Variants in BRSK2 observed in about 807,000 individuals in gnomAD.
BRSK2 encodes the protein serine/threonine-protein kinase BRSK2.
A neutral mutation model predicts 83.3 loss-of-function variants in BRSK2; 19 were observed. The ratio of observed to expected loss-of-function variants is 0.23; its 90% CI spans 0.16 to 0.33. BRSK2 has a LOEUF of 0.33. Among genes scored for constraint, BRSK2 ranks in the 10% least tolerant of loss-of-function variants. The probability of loss-of-function intolerance (pLI) is 1.00; values close to 1 mark genes in which losing one functional copy is unlikely to be tolerated. For missense variants in BRSK2, 798 were observed against 1,042.3 expected (o/e 0.77, Z 3.23); for synonymous variants, 519 against 435.4 (o/e 1.19, Z -2.39).
At chr11:1,444,701 C>T (rs1439475922) in intron 8 of BRSK2, among the ~76,000 whole-genome samples, 1 of 151,784 alleles carries the variant, frequency 6.6e-6, no homozygotes, top group Non-Finnish European at 1.5e-5. Flanking sequence ...CTGGAGCACC[C>T]CCTCCGACTC....
intron 1 of BRSK2, among the ~76,000 whole-genome samples, chr11:1,414,586 A>T (rs1032869682): frequency 3.9e-5 from 6 of 152,216 alleles, no homozygotes; most frequent in Admixed American, 3.3e-4. Context: ...TAGGGTGATA[A>T]AAAGTAGACT....
intron 1 of BRSK2, among the ~76,000 whole-genome samples, chr11:1,434,215 G>A (rs910860142): frequency 6.6e-6 from 1 of 152,236 alleles, no homozygotes; most frequent in African/African-American, 2.4e-5. Flanking sequence ...GCGAGGCCGA[G>A]TCTGGGTGAA....
intron 1 of BRSK2, among the ~76,000 whole-genome samples, chr11:1,413,753 G>C (rs2134137893): frequency 6.6e-6 from 1 of 152,340 alleles, no homozygotes; most frequent in East Asian, 1.9e-4. Context: ...GCCTGGGGTG[G>C]TGGGGCCTGG....
chr11:1,422,380 G>T (rs1043416272), intron 1 of BRSK2, among the ~76,000 whole-genome samples: 3 of 152,194 alleles, frequency 2.0e-5, no homozygotes, highest in Non-Finnish European at 4.4e-5. Flanking sequence ...AGGGGTGGGG[G>T]TCCCTGTATT....
intron 1 of BRSK2, among the ~76,000 whole-genome samples, chr11:1,396,461 CT>C (rs1337089715): frequency 1.3e-5 from 2 of 152,226 alleles, no homozygotes; most frequent in Non-Finnish European, 2.9e-5. Flanking sequence ...TGGCCTCACC[CT>C]GCTCCGGCGC....
chr11:1,449,869 T>C, intron 13 of BRSK2, 33 bp downstream of exon 13: 1 of 1,524,894 alleles, frequency 6.6e-7, no homozygotes, highest in Non-Finnish European at 9.0e-7. Flanking sequence ...CCAGCTCGGA[T>C]GCACAGAGGC....
chr11:1,418,690 C>T (rs1274534160), intron 1 of BRSK2, among the ~76,000 whole-genome samples: 27 of 152,352 alleles, frequency 1.8e-4, no homozygotes, highest in East Asian at 5.8e-4. Context: ...TCTTTGCATA[C>T]GCTGTAATGT....
chr11:1,445,181 G>A, intron 9 of BRSK2, 113 bp from the exon 10 acceptor site: 2 of 1,492,894 alleles, frequency 1.3e-6, no homozygotes, highest in East Asian at 2.3e-5. Flanking sequence ...CCCGGGCTGG[G>A]CACAGGGAGA....
intron 1 of BRSK2, among the ~76,000 whole-genome samples, chr11:1,398,491 G>C (rs1846262544): frequency 2.6e-5 from 4 of 152,134 alleles, no homozygotes; most frequent in South Asian, 4.1e-4. Context: ...GGGGATACAG[G>C]GGGTGGAGAG....
At chr11:1,397,127 C>G (rs1325882534) in intron 1 of BRSK2, among the ~76,000 whole-genome samples, 1 of 152,228 alleles carries the variant, frequency 6.6e-6, no homozygotes, top group Non-Finnish European at 1.5e-5. Context: ...GCCCCGCTTT[C>G]ACCTGTAGGG....
intron 3 of BRSK2, among the ~76,000 whole-genome samples, chr11:1,440,450 G>A (rs968076214): frequency 1.3e-5 from 2 of 152,022 alleles, no homozygotes; most frequent in African/African-American, 2.4e-5. Flanking sequence ...CCCATGCACC[G>A]AGCCTTGGCC....
In BRSK2 at chr11:1,396,252, T is replaced by TC. The variant is rs1334021320; in HGVS notation, c.91+5877_91+5878insC. 7.3e-4 allele frequency among the ~76,000 whole-genome samples: 95 copies of TC among 130,476 alleles called. 1 individual carries two copies. Among genetic ancestry groups the TC allele is most frequent in the African/African-American group, 3.0e-3 (89 of 29,842 alleles). 85.6% of individuals were successfully genotyped at this position (130,476 alleles called of 152,430 possible). A position where few individuals can be genotyped will look rare whatever the true frequency, so the allele number is the denominator to read the frequency against. On this transcript the variant is annotated intron_variant, in intron 1 of 19. Coordinates refer to ENST00000528841, the MANE Select transcript of BRSK2 (RefSeq NM_001256627.2). ...CCCTTCCACCCACGTCCCCCACTCC[T>TC]GGTCCCTCTTCCCTTCCACCCACGT...
chr11:1,458,218 G>A (rs1224695923), intron 18 of BRSK2, among the ~76,000 whole-genome samples: 2 of 152,012 alleles, frequency 1.3e-5, no homozygotes, highest in Non-Finnish European at 2.9e-5. Context: ...GCGCTCCTGC[G>A]TGGGCTGTAG....
At chr11:1,427,410 G>A (rs1212243894) in intron 1 of BRSK2, among the ~76,000 whole-genome samples, 1 of 152,166 alleles carries the variant, frequency 6.6e-6, no homozygotes, top group Non-Finnish European at 1.5e-5. Context: ...GACTCTCCTG[G>A]CCGGCTCAGG....
At chr11:1,418,797 G>C (rs954169661) in intron 1 of BRSK2, among the ~76,000 whole-genome samples, 13 of 152,250 alleles carry the variant, frequency 8.5e-5, no homozygotes, top group Non-Finnish European at 1.5e-4. Flanking sequence ...TTGGGCATGT[G>C]GGGGGCTGCT....
At position 1,423,813 on chromosome 11, in the gene BRSK2, T is replaced by C. The variant is rs564499967; in HGVS notation, c.92-12227T>C. Among the ~76,000 whole-genome samples, 7 of 150,206 alleles carry C rather than the reference T, an allele frequency of 4.7e-5. No homozygotes were observed. The highest frequency in any genetic ancestry group is 1.0e-4 in the Non-Finnish European group (7 of 67,432). On this transcript the variant is annotated intron_variant, in intron 1 of 19. Transcript: ENST00000528841. The surrounding 1 kb of genome is among the most constrained non-coding windows in gnomAD (Gnocchi z 6.5). ...TGCCCCAGGCCTCCCCCGCTGGGCG[T>C]TCCGGGTGCCCCAGGCCTCCCCCGC...
rs1850744795 is a variant in BRSK2, at chr11:1,438,976, A to AC, written c.272+586dup. ...CCTCAGGGAGCTCCTGGGAATGGGC[A>AC]CAGTGGTCACTCACGGCAGTCTCCT... On this transcript the variant is annotated intron_variant, in intron 3 of 19. Coordinates refer to ENST00000528841, the MANE Select transcript of BRSK2 (RefSeq NM_001256627.2). This position sits in a 1 kb window ranked among gnomAD's most constrained non-coding sequence, Gnocchi z 6.4. Among the ~76,000 whole-genome samples, 1 of 152,120 alleles carries AC rather than the reference A, an allele frequency of 6.6e-6. No homozygotes were observed. Among genetic ancestry groups the AC allele is most frequent in the Non-Finnish European group, 1.5e-5 (1 of 68,008 alleles).
intron 14 of BRSK2, 68 bp from the exon 15 acceptor site, chr11:1,451,303 G>A: frequency 6.3e-7 from 1 of 1,580,154 alleles, no homozygotes; most frequent in Middle Eastern, 1.7e-4. Flanking sequence ...CTCGGCGCAA[G>A]GTGGCCAGGG....
chr11:1,453,555 C>A (rs1846067720), intron 15 of BRSK2, among the ~76,000 whole-genome samples: 1 of 152,216 alleles, frequency 6.6e-6, no homozygotes, highest in South Asian at 2.1e-4. Context: ...ACCGGCAGGA[C>A]ACTGAGGAGG....
Sources: gnomAD v4.1 joint callset for allele counts (sites outside exome capture counted in the v4.1 genomes callset) on GRCh38, gnomAD v4.1.1 for gene constraint, Gnocchi (gnomAD v3.1) non-coding constraint, MANE v1.5 for transcripts, NCBI Gene and HGNC (gene_info 2026-07-23, HGNC 2026-07-21) for gene names.